CDCA2: variants seen among roughly 807,000 people sequenced by gnomAD.
The protein encoded by CDCA2 is cell division cycle-associated protein 2.
Under a neutral mutation model 67.0 loss-of-function variants are expected in CDCA2, and 44 were observed. The ratio of observed to expected loss-of-function variants is 0.66; its 90% CI spans 0.52 to 0.84. The LOEUF is 0.84. CDCA2 is among the 40% of genes least tolerant of loss of function. CDCA2 has a pLI of 0.00. For synonymous variants in CDCA2, 447 were observed against 418.7 expected, an observed-to-expected ratio of 1.07 and a Z score of -0.82; for missense variants, 1,253 against 1,203.2, an observed-to-expected ratio of 1.04 and a Z score of -0.61.
intron 6 of CDCA2, among the ~76,000 whole-genome samples, chr8:25,469,519 G>C (rs1008541698): frequency 6.6e-6 from 1 of 152,142 alleles, no homozygotes; most frequent in African/African-American, 2.4e-5. Flanking sequence ...TTTGGCGTTT[G>C]ATTAATAATT....
At chr8:25,488,711 T>C (rs766316388) in intron 13 of CDCA2, 22 bp downstream of exon 13, 11 of 1,563,918 alleles carry the variant, frequency 7.0e-6, no homozygotes, top group South Asian at 1.2e-5. Context: ...TTTAAAGATA[T>C]AATAAAGAGT....
At position 25,483,995 on chromosome 8, in the gene CDCA2, T is replaced by G. The variant is rs201901754; in HGVS notation, c.1150T>G (p.Phe384Val). 6.2e-7 allele frequency: 1 copy of G among 1,614,022 alleles called. No homozygotes were observed. The highest frequency in any genetic ancestry group is 1.3e-5 in the African/African-American group (1 of 75,046). The change falls in exon 10 of 15, where the codon TTT becomes GTT. Residue 384 changes from phenylalanine (F) to valine (V), a missense_variant. Physicochemically the swap from Phe to Val is conservative, Grantham distance 50. Transcript: ENST00000330560. ...EDEENFEAPA[F>V]LNMRKRKRVT... ...TGAAGAAAATTTTGAAGCACCTGCC[T>G]TTCTAAATATGAGGAAGAGGAAGAG...
At chr8:25,506,344 A>G (rs1804675370) in intron 14 of CDCA2, among the ~76,000 whole-genome samples, 166 bp from the exon 15 acceptor site, 3 of 152,212 alleles carry the variant, frequency 2.0e-5, no homozygotes, top group Non-Finnish European at 2.9e-5. Flanking sequence ...GAGAACTAAA[A>G]GAGGAGGAGG....
chr8:25,459,565 C>G (rs559263896), intron 1 of CDCA2, 92 bp downstream of exon 1: 1 of 153,488 alleles, frequency 6.5e-6, no homozygotes, highest in South Asian at 2.0e-4. Context: ...AATTAGTACT[C>G]CTGTCAGGAG....
intron 13 of CDCA2, among the ~76,000 whole-genome samples, chr8:25,500,391 T>A (rs1804425471): frequency 6.6e-6 from 1 of 152,166 alleles, no homozygotes. Flanking sequence ...TATTAAAAAT[T>A]AAAAGTATAT....
In CDCA2 at chr8:25,506,710, A is replaced by T. The variant is rs780364535; in HGVS notation, c.2044A>T (p.Ile682Leu). The T allele has an allele frequency of 6.2e-7, 1 of 1,611,142 alleles. No homozygotes were observed. Among genetic ancestry groups the T allele is most frequent in the South Asian group, 1.1e-5 (1 of 90,256 alleles). The change falls in exon 15 of 15, where the codon ATA becomes TTA. Residue 682 changes from isoleucine (I) to leucine (L), a missense_variant. Physicochemically the swap from Ile to Leu is conservative, Grantham distance 5. Coordinates refer to ENST00000330560, the MANE Select transcript of CDCA2 (RefSeq NM_152562.4). ...TTCTGATGAAGATCCAAATACAAAT[A>T]TAATGAACATTAATGAAAATAAAAA... is the stretch of plus-strand genomic sequence containing the variant. ...ATSDEDPNTNIMNINENKNIP... is the reference protein window; with the variant it reads ...ATSDEDPNTNLMNINENKNIP...
rs1424658347 is a variant in CDCA2, at chr8:25,479,897, C to T, written c.821-16C>T. 6.2e-7 allele frequency: 1 copy of T among 1,609,890 alleles called. No homozygotes were observed. The highest frequency in any genetic ancestry group is 1.3e-5 in the African/African-American group (1 of 74,834). On this transcript the variant is annotated splice_polypyrimidine_tract_variant and intron_variant, in intron 7 of 14. Coordinates refer to ENST00000330560, the MANE Select transcript of CDCA2 (RefSeq NM_152562.4). The stretch of plus-strand genomic sequence containing the variant: ...AGAGATCTTCTGCCTCTCAAGTTTA[C>T]ATGTTTATCTTGAAGCACTAAAGGT...
chr8:25,494,699 A>G (rs1186433648), intron 13 of CDCA2, among the ~76,000 whole-genome samples: 1 of 152,168 alleles, frequency 6.6e-6, no homozygotes, highest in African/African-American at 2.4e-5. Flanking sequence ...TCCCTTCCCA[A>G]ATTTATATAT....
intron 11 of CDCA2, among the ~76,000 whole-genome samples, chr8:25,487,028 A>G (rs929901650): frequency 1.3e-5 from 2 of 152,144 alleles, no homozygotes; most frequent in South Asian, 2.1e-4. Context: ...AGCAGTCACC[A>G]TGGAAAGTGG....
rs1473661407 is a variant in CDCA2 at position 25,484,005 on chromosome 8, TGAGGAA to T, written c.1170_1175del (p.Lys391_Arg392del). On this transcript the variant is annotated inframe_deletion, in exon 10 of 15. Coordinates refer to ENST00000330560, the MANE Select transcript of CDCA2 (RefSeq NM_152562.4). ...TTTGAAGCACCTGCCTTTCTAAATA[TGAGGAA>T]GAGGAAGAGAGTTACTTTTGGAGAG... The T allele has an allele frequency of 3.1e-6, 5 of 1,614,146 alleles. No homozygotes were observed. The highest frequency in any genetic ancestry group is 1.7e-5 in the Admixed American group (1 of 60,016).
intron 13 of CDCA2, among the ~76,000 whole-genome samples, chr8:25,493,442 T>C (rs1450824871): frequency 3.9e-5 from 6 of 152,112 alleles, no homozygotes; most frequent in African/African-American, 9.7e-5. Context: ...TTTTGAACCA[T>C]ACAGCATGGA....
intron 14 of CDCA2, among the ~76,000 whole-genome samples, chr8:25,504,667 C>T (rs978535679): frequency 3.9e-5 from 6 of 152,290 alleles, no homozygotes; most frequent in Admixed American, 2.0e-4. Flanking sequence ...ACCCCTCTGT[C>T]GCATACGCCC....
chr8:25,475,516 C>T (rs1278836591), intron 7 of CDCA2, among the ~76,000 whole-genome samples: 2 of 152,208 alleles, frequency 1.3e-5, no homozygotes, highest in African/African-American at 4.8e-5. Context: ...GACTCCATCT[C>T]AAACAAAGGA....
chr8:25,467,710 A>T (rs933817346), intron 5 of CDCA2, among the ~76,000 whole-genome samples: 13 of 152,196 alleles, frequency 8.5e-5, no homozygotes, highest in Non-Finnish European at 5.9e-5. Flanking sequence ...TATCTTTTCA[A>T]TAGACATGTT....
At position 25,466,224 on chromosome 8, in the gene CDCA2, C is replaced by G; in HGVS notation, c.437C>G (p.Ser146Ter). 1 of 1,611,314 alleles carries G rather than the reference C, an allele frequency of 6.2e-7. No homozygotes were observed. Among genetic ancestry groups the G allele is most frequent in the Non-Finnish European group, 8.5e-7 (1 of 1,179,412 alleles). ...RNVNTLRERI[S>*]AFQSAFHSIK... ...GTTAACACTTTAAGAGAACGAATAT[C>G]AGCCTTCCAGTCAGCTTTTCACTCC... The change falls in exon 5 of 15, where the codon TCA (serine) becomes TGA (stop). Residue 146 changes from serine to a stop codon, truncating the protein, a stop_gained. Transcript: ENST00000330560. LOFTEE classifies it high-confidence loss of function.
rs745384640 is a variant in CDCA2, at chr8:25,507,663, C to T, written c.2997C>T (p.Ser999=). Residue 999 remains serine (S), a synonymous_variant, in exon 15 of 15, where the codon TCC becomes TCT. Coordinates refer to ENST00000330560, the MANE Select transcript of CDCA2 (RefSeq NM_152562.4). ...AGTTCAAAGGCTACCGGAGAAGATC[C>T]TCTCTTAATGGGAAGGGAGAGAGCT... ...TSQFKGYRRR[S]SLNGKGESSL... The T allele has an allele frequency of 3.7e-6, 6 of 1,614,076 alleles. No homozygotes were observed. Among genetic ancestry groups the T allele is most frequent in the Admixed American group, 1.7e-5 (1 of 59,994 alleles).
chr8:25,467,320 C>G (rs926889745), intron 5 of CDCA2, among the ~76,000 whole-genome samples: 1 of 152,158 alleles, frequency 6.6e-6, no homozygotes, highest in Non-Finnish European at 1.5e-5. Context: ...TTCAGCACCT[C>G]CCATGAGGAT....
chr8:25,496,364 T>TTCCC (rs1804223223), intron 13 of CDCA2, among the ~76,000 whole-genome samples: 1 of 152,222 alleles, frequency 6.6e-6, no homozygotes, highest in Non-Finnish European at 1.5e-5. Context: ...TGAGCTCTAT[T>TTCCC]TCAGGTAAAC....
rs1350011656 is a variant in CDCA2, at chr8:25,468,377, A to T, written c.699A>T (p.Arg233Ser). Residue 233 changes from arginine (R) to serine (S), a missense_variant, in exon 6 of 15, where the codon AGA (arginine) becomes AGT (serine). Coordinates refer to ENST00000330560, the MANE Select transcript of CDCA2 (RefSeq NM_152562.4). ...GLQIFNIDTD[R>S]ACAVETSVDL... is the part of the protein sequence containing the mutation. Reference sequence around the variant, plus strand: ...AGATATTCAATATTGATACAGACAGAGCATGTGCAGTTGAAACTTCTGTAG... The same window carrying T: ...AGATATTCAATATTGATACAGACAGTGCATGTGCAGTTGAAACTTCTGTAG... The T allele has an allele frequency of 5.6e-6, 9 of 1,612,800 alleles. No homozygotes were observed. Among genetic ancestry groups the T allele is most frequent in the Non-Finnish European group, 6.8e-6 (8 of 1,179,554 alleles).
Sources: allele counts gnomAD v4.1 joint callset (sites outside exome capture counted in the v4.1 genomes callset), GRCh38; gene constraint gnomAD v4.1.1; transcripts MANE v1.5; gene names NCBI Gene and HGNC (gene_info 2026-07-23, HGNC 2026-07-21).